The following ZSCAN10 variants were observed in gnomAD, a reference collection of about 807,000 sequenced individuals.
The protein encoded by ZSCAN10 is zinc finger and SCAN domain-containing protein 10.
In ZSCAN10, 52 loss-of-function variants were observed where a neutral mutation model predicts 63.7. The observed-to-expected ratio is 0.82, with a 90% CI of 0.65 to 1.03. The LOEUF is 1.03. Among genes scored for constraint, ZSCAN10 ranks in the 50% least tolerant of loss-of-function variants. ZSCAN10 has a pLI of 0.00. For missense variants in ZSCAN10, 1,223 were observed against 1,103.8 expected (o/e 1.11, Z -1.53); for synonymous variants, 544 against 479.6 (o/e 1.13, Z -1.76).
intron 1 of ZSCAN10, among the ~76,000 whole-genome samples, chr16:3,097,096 C>CA (rs34194103): frequency 3.3e-4 from 47 of 143,226 alleles, no homozygotes; most frequent in Admixed American, 5.6e-4. Flanking sequence ...GAATCTGTCT[C>CA]AAAAAAAAAA....
chr16:3,094,699 G>C lies in ZSCAN10; in HGVS notation c.-67-1695C>G, dbSNP rs1436834799. On this transcript the variant is annotated intron_variant, in intron 1 of 5. Transcript: ENST00000576985. ...TGTTTAGGGCCTTGCAGGGAATATG[G>C]AACAAGTCAGACCATCTCTCAAAGA... Among the ~76,000 whole-genome samples, 9 of 152,110 alleles carry C rather than the reference G, an allele frequency of 5.9e-5. No individual in the cohort carries two copies. In the East Asian group the frequency reaches 1.5e-3, roughly 26 times the overall value.
chr16:3,096,959 T>C (rs1322612160), intron 1 of ZSCAN10, among the ~76,000 whole-genome samples: 1 of 148,520 alleles, frequency 6.7e-6, no homozygotes, highest in Non-Finnish European at 1.5e-5. Context: ...TATCCGGGCA[T>C]GGTGGCATGC....
rs1454431940 is a variant in ZSCAN10, at chr16:3,091,842, G to T, written c.665-14C>A. 1 of 1,574,674 alleles carries T rather than the reference G, an allele frequency of 6.4e-7. No homozygotes were observed. Among genetic ancestry groups the T allele is most frequent in the Non-Finnish European group, 8.6e-7 (1 of 1,160,306 alleles). On this transcript the variant is annotated splice_polypyrimidine_tract_variant and intron_variant, in intron 3 of 5. Coordinates refer to ENST00000576985, the MANE Select transcript of ZSCAN10 (RefSeq NM_032805.3). Reference sequence around the variant, plus strand: ...GGCCCTGGGGACCTGACGGCATTGGGGAAGAGGGGAGGAAGTGCTGTTAGA... The same window carrying T: ...GGCCCTGGGGACCTGACGGCATTGGTGAAGAGGGGAGGAAGTGCTGTTAGA...
chr16:3,099,221 G>C lies in ZSCAN10; in HGVS notation c.-99C>G, dbSNP rs899737729. The C allele has an allele frequency of 2.6e-5, 4 of 152,452 alleles. No homozygotes were observed. The highest frequency in any genetic ancestry group is 5.9e-5 in the Non-Finnish European group (4 of 68,234). The allele number at this position is 152,452 out of a possible 1,614,324, so 9.4% of individuals were successfully genotyped here. The stretch of plus-strand genomic sequence containing the variant: ...GAGTCCCCACTACACAGGCAGAGAT[G>C]CTGGGGGGTTTTCTGAGGACTCCAG... On this transcript the variant is annotated 5_prime_UTR_variant, in exon 1 of 6. Coordinates refer to ENST00000576985, the MANE Select transcript of ZSCAN10 (RefSeq NM_032805.3).
In ZSCAN10 at chr16:3,090,574, G is replaced by C; in HGVS notation, c.860C>G (p.Pro287Arg). The C allele has an allele frequency of 6.3e-7, 1 of 1,590,288 alleles. No homozygotes were observed. The highest frequency in any genetic ancestry group is 1.7e-5 in the Admixed American group (1 of 57,618). ...ATCTGCCTGGGACTCTGCTAAGATG[G>C]GAGTGGGCCAGGCAGCCCCTTTGGG... ...EEPKGAAWPT[P>R]ILAESQADSP... is the part of the protein sequence containing the mutation. Residue 287 changes from proline (P) to arginine (R), a missense_variant, in exon 6 of 6, where the codon CCC becomes CGC. Pro to Arg is a moderately radical substitution (Grantham distance 103). Transcript: ENST00000576985.
At position 3,089,037 on chromosome 16, in the gene ZSCAN10, G is replaced by C. The variant is rs2151213135; in HGVS notation, c.*54C>G. 2 of 1,438,480 alleles carry C rather than the reference G, an allele frequency of 1.4e-6. No individual in the cohort carries two copies. Among genetic ancestry groups the C allele is most frequent in the East Asian group, 2.7e-5 (1 of 37,064 alleles). The allele number at this position is 1,438,480 out of a possible 1,614,324, so 89.1% of individuals were successfully genotyped here. A position where few individuals can be genotyped will look rare whatever the true frequency, so the allele number is the denominator to read the frequency against. ...AGGGACATTCCTGCAGGCCTCCGCT[G>C]TGGAGGACCCCGGGTAGGTGGCGCA... On this transcript the variant is annotated 3_prime_UTR_variant, in exon 6 of 6. Transcript: ENST00000576985.
At chr16:3,097,492 G>C (rs1022251828) in intron 1 of ZSCAN10, among the ~76,000 whole-genome samples, 3 of 152,218 alleles carry the variant, frequency 2.0e-5, no homozygotes, top group African/African-American at 7.2e-5. Flanking sequence ...CAAGCTCCCA[G>C]TTTGGGAGGT....
chr16:3,090,763 TA>T, intron 5 of ZSCAN10, 117 bp from the exon 6 acceptor site: 4 of 1,267,032 alleles, frequency 3.2e-6, no homozygotes, highest in South Asian at 1.6e-5. Context: ...AGCTGGTAGG[TA>T]AAAGGCCGGG....
chr16:3,097,110 AG>A (rs1169821919), intron 1 of ZSCAN10, among the ~76,000 whole-genome samples: 1 of 142,538 alleles, frequency 7.0e-6, no homozygotes, highest in Non-Finnish European at 1.5e-5. Context: ...AAAAAAAAAA[AG>A]TAACTCAGCC....
In ZSCAN10 at chr16:3,092,781, G is replaced by C. The variant is rs551219306; in HGVS notation, c.157C>G (p.Gln53Glu). The change falls in exon 2 of 6, where the codon CAG becomes GAG. Residue 53 changes from glutamine (Q) to glutamate (E), a missense_variant. Physicochemically the swap from Gln to Glu is conservative, Grantham distance 29 (BLOSUM62 2). Transcript: ENST00000576985. ...AHQLFRCFQY[Q>E]EDMGPRASLS... ...GACGCCCGTGGCCCCATGTCCTCCTGATACTGGAAGCATCTGAACAGCTGG... is the reference window on the plus strand; with the variant it reads ...GACGCCCGTGGCCCCATGTCCTCCTCATACTGGAAGCATCTGAACAGCTGG... 1 of 1,594,118 alleles carries C rather than the reference G, an allele frequency of 6.3e-7. No individual in the cohort carries two copies. The highest frequency in any genetic ancestry group is 8.5e-7 in the Non-Finnish European group (1 of 1,170,824).
chr16:3,092,137 A>G lies in ZSCAN10; in HGVS notation c.576T>C (p.Ala192=), dbSNP rs139258515. The change falls in exon 3 of 6, where the codon GCT becomes GCC. Residue 192 remains alanine, a synonymous_variant. Coordinates refer to ENST00000576985, the MANE Select transcript of ZSCAN10 (RefSeq NM_032805.3). ...GGGGAAGCCTCCACTGTCCCGGCTC[A>G]GCAGGCTGGGCAGCCCTTGGCTGGG... The part of the protein sequence containing the change: ...PRPQPRAAQP[A]EPGQWRLPPS... 1.0e-4 allele frequency: 165 copies of G among 1,613,322 alleles called. 1 individual carries two copies. In the African/African-American group the frequency reaches 1.8e-3, roughly 18 times the overall value.
chr16:3,095,772 G>T (rs952163106), intron 1 of ZSCAN10, among the ~76,000 whole-genome samples: 11 of 150,100 alleles, frequency 7.3e-5, no homozygotes, highest in Non-Finnish European at 1.3e-4. Flanking sequence ...AGCTTGCAAT[G>T]AGCCAAGATC....
chr16:3,092,404 G>A, intron 2 of ZSCAN10, 88 bp from the exon 3 acceptor site: 1 of 1,521,058 alleles, frequency 6.6e-7, no homozygotes, highest in South Asian at 1.3e-5. Flanking sequence ...AACGAGGTTA[G>A]AGTCAGCCAG....
chr16:3,091,674 A>G (rs915173840), intron 4 of ZSCAN10, 77 bp from the exon 5 acceptor site: 10 of 1,610,256 alleles, frequency 6.2e-6, no homozygotes, highest in Non-Finnish European at 8.5e-6. Context: ...GCTTCCTAGG[A>G]CTGAATCAGG....
intron 4 of ZSCAN10, 33 bp downstream of exon 4, chr16:3,091,731 C>T: frequency 6.3e-7 from 1 of 1,583,100 alleles, no homozygotes; most frequent in South Asian, 1.1e-5. Flanking sequence ...GTTCCTGGGG[C>T]TTGAGGACAC....
intron 1 of ZSCAN10, among the ~76,000 whole-genome samples, chr16:3,096,095 C>A (rs1957150769): frequency 1.3e-5 from 2 of 152,360 alleles, no homozygotes; most frequent in Admixed American, 1.3e-4. Context: ...GGGGCTTCCC[C>A]TTCCTGGTCT....
At chr16:3,098,038 G>A (rs1419353771) in intron 1 of ZSCAN10, among the ~76,000 whole-genome samples, 2 of 89,010 alleles carry the variant, frequency 2.2e-5, no homozygotes, top group Non-Finnish European at 3.9e-5. Flanking sequence ...CGAAGACCCT[G>A]TCTCAAAAAA....
chr16:3,090,732 A>G, intron 5 of ZSCAN10, 86 bp from the exon 6 acceptor site: 1 of 1,422,780 alleles, frequency 7.0e-7, no homozygotes, highest in South Asian at 1.5e-5. Context: ...TGGAAGTGGA[A>G]AGAAACCCAG....
At chr16:3,091,943 C>G in intron 3 of ZSCAN10, 106 bp downstream of exon 3, 2 of 1,586,952 alleles carry the variant, frequency 1.3e-6, no homozygotes, top group Non-Finnish European at 1.7e-6. Context: ...CCTTGGCGCT[C>G]TCCTGTCCTG....
Sources: gnomAD v4.1 joint callset for allele counts (sites outside exome capture counted in the v4.1 genomes callset) on GRCh38, gnomAD v4.1.1 for gene constraint, MANE v1.5 for transcripts, NCBI Gene and HGNC (gene_info 2026-07-23, HGNC 2026-07-21) for gene names.